Variants in NUP50 observed in about 807,000 individuals in gnomAD.
The protein encoded by NUP50 is nuclear pore complex protein Nup50.
A neutral mutation model predicts 36.8 loss-of-function variants in NUP50; 14 were observed. The observed-to-expected ratio is 0.38, with a 90% CI of 0.25 to 0.59. NUP50 has a LOEUF of 0.59. Ranked by LOEUF, NUP50 falls within the 20% of genes least tolerant of loss-of-function variation. The probability of loss-of-function intolerance (pLI) is 0.63; values close to 1 mark genes in which losing one functional copy is unlikely to be tolerated. For missense variants in NUP50, 455 were observed against 564.6 expected (o/e 0.81, Z 1.97); for synonymous variants, 195 against 210.8 (o/e 0.93, Z 0.65).
chr22:45,183,828 T>A (rs965182902), intron 7 of NUP50: 4 of 295,756 alleles, frequency 1.4e-5, no homozygotes, highest in Non-Finnish European at 2.6e-5. Context: ...ATCCTTTTTA[T>A]ATAGCAAGTA....
intron 1 of NUP50, among the ~76,000 whole-genome samples, chr22:45,165,615 G>C (rs1482376246): frequency 6.6e-6 from 1 of 152,136 alleles, no homozygotes; most frequent in East Asian, 1.9e-4. Context: ...AAAATGTATT[G>C]TCTGAAGTGT....
Position 45,164,344 on chromosome 22 carries a change from G to T in NUP50, c.-11+48G>T, listed in dbSNP as rs545158437. 2.5e-4 allele frequency: 38 copies of T among 153,160 alleles called. No homozygotes were observed. In the East Asian group the frequency reaches 6.2e-3, roughly 25 times the overall value. The allele number at this position is 153,160 out of a possible 1,614,324, so 9.5% of individuals were successfully genotyped here. A position where few individuals can be genotyped will look rare whatever the true frequency, so the allele number is the denominator to read the frequency against. ...GGAGGAGAAGAGGCTGAGGGCGGGA[G>T]CCTGGTGCTGAGAGCCCAGGGCCGG... On this transcript the variant is annotated intron_variant, in intron 1 of 7. Coordinates refer to ENST00000347635, the MANE Select transcript of NUP50 (RefSeq NM_007172.4).
chr22:45,168,268 A>C (rs773304177), intron 2 of NUP50, 22 bp downstream of exon 2: 1 of 1,578,572 alleles, frequency 6.3e-7, no homozygotes, highest in Non-Finnish European at 8.6e-7. Flanking sequence ...CTTCCCTAAG[A>C]ATGATTTCCT....
intron 2 of NUP50, among the ~76,000 whole-genome samples, chr22:45,168,898 A>ATT (rs34675932): frequency 0.04 from 5,265 of 131,816 alleles, 381 homozygotes; most frequent in African/African-American, 0.13. Context: ...TATAAAAAAA[A>ATT]TTTTTTTTTT....
chr22:45,178,745 G>A lies in NUP50; in HGVS notation c.848G>A (p.Gly283Asp). 1 of 1,613,736 alleles carries A rather than the reference G, an allele frequency of 6.2e-7. No homozygotes were observed. The highest frequency in any genetic ancestry group is 2.2e-5 in the East Asian group (1 of 44,884). ...FGKKVDSSVL[G>D]SLSSVPLTGF... ...AAGAAAGTTGATAGCTCTGTTTTGG[G>A]CTCATTAAGCTCTGTCCCCCTGACT... Residue 283 changes from glycine (G) to aspartate (D), a missense_variant, in exon 5 of 8, where the codon GGC (glycine) becomes GAC (aspartate). Around this residue, in one of 3 missense-constraint regions of NUP50, gnomAD observed 287 missense variants for 345.5 expected, o/e 0.83. Coordinates refer to ENST00000347635, the MANE Select transcript of NUP50 (RefSeq NM_007172.4).
At chr22:45,174,285 C>T (rs2074243681) in intron 3 of NUP50, among the ~76,000 whole-genome samples, 1 of 151,684 alleles carries the variant, frequency 6.6e-6, no homozygotes, top group Non-Finnish European at 1.5e-5. Flanking sequence ...TGAAGCAATC[C>T]TCCTGCCTCA....
chr22:45,183,331 T>G, intron 6 of NUP50, 71 bp from the exon 7 acceptor site: 1 of 842,092 alleles, frequency 1.2e-6, no homozygotes, highest in Non-Finnish European at 2.0e-6. Context: ...GTGTGAAGAG[T>G]GGTTGTTAGA....
intron 6 of NUP50, among the ~76,000 whole-genome samples, chr22:45,182,176 C>T (rs970915926): frequency 1.1e-4 from 17 of 151,882 alleles, no homozygotes; most frequent in African/African-American, 3.6e-4. Flanking sequence ...CATGGTGGCT[C>T]ATGCCTGTAA....
chr22:45,173,313 A>G (rs1375724202), intron 3 of NUP50, among the ~76,000 whole-genome samples: 1 of 151,348 alleles, frequency 6.6e-6, no homozygotes, highest in Non-Finnish European at 1.5e-5. Context: ...TGCCTGTTGT[A>G]CAGTAAACCT....
At chr22:45,176,138 T>C in intron 4 of NUP50, 58 bp downstream of exon 4, 1 of 1,549,312 alleles carries the variant, frequency 6.5e-7, no homozygotes, top group Non-Finnish European at 8.8e-7. Flanking sequence ...AAAATAGCTT[T>C]ACAAAGATGT....
intron 2 of NUP50, among the ~76,000 whole-genome samples, chr22:45,169,466 A>G (rs188107669): frequency 1.3e-3 from 201 of 152,284 alleles, no homozygotes; most frequent in East Asian, 2.1e-3. Flanking sequence ...CTGTTTCAGT[A>G]TAATACATAA....
Position 45,186,321 on chromosome 22 carries a change from T to C in NUP50, c.*1666T>C, listed in dbSNP as rs1569061737. ...ACACTGACTTTTTAAGAATGGAGAATGCACGTGGGTTTCTGTTGCGGATGA... is the reference window on the plus strand; with the variant it reads ...ACACTGACTTTTTAAGAATGGAGAACGCACGTGGGTTTCTGTTGCGGATGA... On this transcript the variant is annotated 3_prime_UTR_variant, in exon 8 of 8. Coordinates refer to ENST00000347635, the MANE Select transcript of NUP50 (RefSeq NM_007172.4). The C allele has an allele frequency of 6.6e-6, 1 of 152,354 alleles. No individual in the cohort carries two copies. Among genetic ancestry groups the C allele is most frequent in the Admixed American group, 6.5e-5 (1 of 15,298 alleles). The allele number at this position is 152,354 out of a possible 1,614,324, so 9.4% of individuals were successfully genotyped here.
intron 5 of NUP50, among the ~76,000 whole-genome samples, chr22:45,180,876 A>G (rs1411233965): frequency 6.6e-6 from 1 of 151,712 alleles, no homozygotes; most frequent in Non-Finnish European, 1.5e-5. Context: ...ATCTTTGGCT[A>G]TTACTGATAC....
At chr22:45,169,113 A>G (rs574574485) in intron 2 of NUP50, among the ~76,000 whole-genome samples, 1 of 152,024 alleles carries the variant, frequency 6.6e-6, no homozygotes, top group South Asian at 2.1e-4. Flanking sequence ...TGTTGGTCAG[A>G]CTGGTCTCAA....
chr22:45,185,577 C>T lies in NUP50; in HGVS notation c.*922C>T, dbSNP rs905317494. The T allele has an allele frequency of 1.3e-5, 2 of 152,036 alleles. No homozygotes were observed. The highest frequency in any genetic ancestry group is 4.8e-5 in the African/African-American group (2 of 41,404). 9.4% of individuals were successfully genotyped at this position (152,036 alleles called of 1,614,324 possible). ...TGACGTGCCTGGGAGCTTTGACACA[C>T]GAGCCGTGTGAATTCACTAGGAAAC... On this transcript the variant is annotated 3_prime_UTR_variant, in exon 8 of 8. Coordinates refer to ENST00000347635, the MANE Select transcript of NUP50 (RefSeq NM_007172.4).
rs146749329 is a variant in NUP50, at chr22:45,183,486, G to A, written c.1170G>A (p.Lys390=). ...TLHLKPTANQ[K]TQLLVRADTN... ...ATTTAAAACCTACAGCAAATCAGAA[G>A]ACACAGCTTTTGGTGCGGGCAGACA... is the stretch of plus-strand genomic sequence containing the variant. The change falls in exon 7 of 8, where the codon AAG becomes AAA. Residue 390 remains lysine, a synonymous_variant. Coordinates refer to ENST00000347635, the MANE Select transcript of NUP50 (RefSeq NM_007172.4). 1.6e-4 allele frequency: 259 copies of A among 1,612,048 alleles called. No individual in the cohort carries two copies. In the African/African-American group the frequency reaches 3.2e-3, roughly 20 times the overall value.
At chr22:45,176,201 T>G (rs2074274638) in intron 4 of NUP50, 121 bp downstream of exon 4, 23 of 1,093,828 alleles carry the variant, frequency 2.1e-5, no homozygotes, top group Non-Finnish European at 3.0e-5. Flanking sequence ...ACCAGGGTGA[T>G]AATGAAAGAG....
chr22:45,181,556 T>TG (rs949352160), intron 6 of NUP50, among the ~76,000 whole-genome samples, 189 bp downstream of exon 6: 3 of 152,044 alleles, frequency 2.0e-5, no homozygotes, highest in Non-Finnish European at 4.4e-5. Context: ...AATGTCCTGG[T>TG]GGGCAGGTCT....
chr22:45,180,078 C>G (rs972058505), intron 5 of NUP50: 4 of 152,332 alleles, frequency 2.6e-5, no homozygotes, highest in African/African-American at 9.6e-5. Flanking sequence ...AAGGGTCTCC[C>G]CTTTTCTTTC....
Sources: gnomAD v4.1 joint callset for allele counts (sites outside exome capture counted in the v4.1 genomes callset) on GRCh38, gnomAD v4.1.1 for gene constraint, gnomAD v4.1.1 regional missense constraint, MANE v1.5 for transcripts, NCBI Gene and HGNC (gene_info 2026-07-23, HGNC 2026-07-21) for gene names.